HCRTR2: variants seen among roughly 807,000 people sequenced by gnomAD.
HCRTR2 encodes the protein hypocretin receptor 2, also known as orexin receptor type 2.
A neutral mutation model predicts 49.0 loss-of-function variants in HCRTR2; 22 were observed. The ratio of observed to expected loss-of-function variants is 0.45; its 90% CI spans 0.32 to 0.64. The LOEUF is 0.64. Among genes scored for constraint, HCRTR2 ranks in the 30% least tolerant of loss-of-function variants. The pLI, the probability that HCRTR2 is intolerant of heterozygous loss-of-function variation, is 0.04. For missense variants in HCRTR2, 491 were observed against 559.4 expected, an observed-to-expected ratio of 0.88 and a Z score of 1.23; for synonymous variants, 236 against 205.3, an observed-to-expected ratio of 1.15 and a Z score of -1.28.
chr6:55,277,275 C>A, intron 4 of HCRTR2, 105 bp from the exon 5 acceptor site: 1 of 910,284 alleles, frequency 1.1e-6, no homozygotes. Flanking sequence ...CCTCCCACAC[C>A]TCAGGCGTCT....
intron 1 of HCRTR2, among the ~76,000 whole-genome samples, chr6:55,193,267 T>C (rs1765352085): frequency 6.6e-6 from 1 of 152,168 alleles, no homozygotes; most frequent in Admixed American, 6.5e-5. Flanking sequence ...CACAGTGTAG[T>C]GTTTACTACT....
At chr6:55,129,698 A>C (rs1311601716) in intron 1 of HCRTR2, among the ~76,000 whole-genome samples, 1 of 151,938 alleles carries the variant, frequency 6.6e-6, no homozygotes, top group African/African-American at 2.4e-5. Context: ...ATGGCCACTT[A>C]TCTGGTTCTC....
At chr6:55,184,215 C>G (rs1765179917) in intron 1 of HCRTR2, among the ~76,000 whole-genome samples, 1 of 152,232 alleles carries the variant, frequency 6.6e-6, no homozygotes, top group Non-Finnish European at 1.5e-5. Flanking sequence ...AGGCGAGAGC[C>G]ACTGCACCCA....
intron 1 of HCRTR2, among the ~76,000 whole-genome samples, chr6:55,119,703 C>A (rs1204326872): frequency 6.8e-6 from 1 of 147,272 alleles, no homozygotes; most frequent in Non-Finnish European, 1.5e-5. Flanking sequence ...GCAAAGTTTT[C>A]TCCCATTCTG....
chr6:55,265,388 A>G (rs1766842815), intron 4 of HCRTR2, among the ~76,000 whole-genome samples: 1 of 152,044 alleles, frequency 6.6e-6, no homozygotes, highest in African/African-American at 2.4e-5. Context: ...CACTCCTATT[A>G]CAGGTCAGTG....
rs933183269 is a variant in HCRTR2, at chr6:55,161,456, T to C, written c.-377-12755T>C. Among the ~76,000 whole-genome samples the C allele has an allele frequency of 3.3e-5, 5 of 151,754 alleles. No homozygotes were observed. In the South Asian group the frequency reaches 8.3e-4, roughly 25 times the overall value. On this transcript the variant is annotated intron_variant, in intron 1 of 7. Transcript: ENST00000615358. ...AGCAAAGGCAAACAAATTCAAAAGC[T>C]AGCAGAAGACAAGAAATAACTAAGA...
intron 1 of HCRTR2, among the ~76,000 whole-genome samples, chr6:55,241,547 G>A (rs1009730378): frequency 1.3e-5 from 2 of 151,894 alleles, no homozygotes; most frequent in East Asian, 1.9e-4. Flanking sequence ...CCAAGAAATC[G>A]CAAAGTGTTT....
At chr6:55,198,008 G>C (rs980868375) in intron 1 of HCRTR2, among the ~76,000 whole-genome samples, 1 of 151,972 alleles carries the variant, frequency 6.6e-6, no homozygotes, top group African/African-American at 2.4e-5. Flanking sequence ...CACTACAAAG[G>C]TCCCTCTAAT....
chr6:55,235,901 G>T lies in HCRTR2; in HGVS notation c.224-12738G>T, dbSNP rs372696409. ...CCTTGTACCAGTACTATACTGTTTTGTTTACTGACACTTTGTATTAATATT... is the reference window on the plus strand; with the variant it reads ...CCTTGTACCAGTACTATACTGTTTTTTTTACTGACACTTTGTATTAATATT... On this transcript the variant is annotated intron_variant, in intron 1 of 6. Coordinates refer to ENST00000370862, the MANE Select transcript of HCRTR2 (RefSeq NM_001384272.1). 2.9e-4 allele frequency among the ~76,000 whole-genome samples: 44 copies of T among 151,806 alleles called. 1 individual carries two copies. In the South Asian group the frequency reaches 4.2e-3, roughly 14 times the overall value.
intron 5 of HCRTR2, among the ~76,000 whole-genome samples, chr6:55,278,124 A>T (rs531457826): frequency 1.3e-5 from 2 of 152,216 alleles, no homozygotes; most frequent in Non-Finnish European, 2.9e-5. Context: ...AAACAGAAGA[A>T]TTCATTTCCT....
chr6:55,115,154 C>G (rs1764098438), intron 1 of HCRTR2, among the ~76,000 whole-genome samples: 2 of 151,702 alleles, frequency 1.3e-5, no homozygotes, highest in Admixed American at 1.3e-4. Context: ...TACTTCTGTA[C>G]CTTATCATTC....
At chr6:55,216,845 G>T (rs1765795986) in intron 1 of HCRTR2, among the ~76,000 whole-genome samples, 1 of 152,138 alleles carries the variant, frequency 6.6e-6, no homozygotes, top group Non-Finnish European at 1.5e-5. Flanking sequence ...GCTGTAGTGG[G>T]GCTCTCAGCC....
At chr6:55,204,970 T>C (rs1765576110) in intron 1 of HCRTR2, among the ~76,000 whole-genome samples, 1 of 152,152 alleles carries the variant, frequency 6.6e-6, no homozygotes, top group Non-Finnish European at 1.5e-5. Flanking sequence ...TAGTTTTTTT[T>C]ATTTTTAGTG....
At chr6:55,226,648 A>G (rs995177575) in intron 1 of HCRTR2, among the ~76,000 whole-genome samples, 1 of 151,996 alleles carries the variant, frequency 6.6e-6, no homozygotes, top group African/African-American at 2.4e-5. Flanking sequence ...GTAAGCATAA[A>G]AACATCCAAA....
chr6:55,240,967 CT>C (rs959907894), intron 1 of HCRTR2, among the ~76,000 whole-genome samples: 1 of 147,726 alleles, frequency 6.8e-6, no homozygotes, highest in African/African-American at 2.5e-5. Flanking sequence ...GTTTTCTTTT[CT>C]TTTTTTATTT....
intron 1 of HCRTR2, among the ~76,000 whole-genome samples, chr6:55,210,249 T>C (rs1765673651): frequency 6.6e-6 from 1 of 152,116 alleles, no homozygotes; most frequent in Non-Finnish European, 1.5e-5. Context: ...TAAATACAAA[T>C]AAATTAGTAG....
intron 4 of HCRTR2, among the ~76,000 whole-genome samples, chr6:55,269,332 TTCTTTTCAGGGCAAACAGGCAAGAGATAA>T (rs1766926693): frequency 6.6e-6 from 1 of 152,066 alleles, no homozygotes; most frequent in African/African-American, 2.4e-5. Context: ...ACAGAACTGA[TTCTTTTCAGGGCAAACAGGCAAGAGATAA>T]TATTAACAAT....
chr6:55,283,161 C>G (rs1438955664), downstream of HCRTR2, among the ~76,000 whole-genome samples: 1 of 152,170 alleles, frequency 6.6e-6, no homozygotes, highest in Non-Finnish European at 1.5e-5. Flanking sequence ...TAAATCACAT[C>G]ATTATATTCT....
At chr6:55,238,841 G>T (rs965357270) in intron 1 of HCRTR2, among the ~76,000 whole-genome samples, 1 of 152,170 alleles carries the variant, frequency 6.6e-6, no homozygotes, top group African/African-American at 2.4e-5. Flanking sequence ...AAAGAGAAAA[G>T]CATTTCTACA....
Sources: allele counts gnomAD v4.1 joint callset (sites outside exome capture counted in the v4.1 genomes callset), GRCh38; gene constraint gnomAD v4.1.1; transcripts MANE v1.5; gene names NCBI Gene and HGNC (gene_info 2026-07-23, HGNC 2026-07-21).